The following VPS8 variants were observed in gnomAD, a reference collection of about 807,000 sequenced individuals.
VPS8 encodes the protein vacuolar protein sorting-associated protein 8 homolog.
In VPS8, 129 loss-of-function variants were observed where a neutral mutation model predicts 216.4. That is an observed-to-expected ratio of 0.60 (90% CI 0.52 to 0.69). The LOEUF (loss-of-function observed/expected upper bound fraction) is 0.69. VPS8 is among the 30% of genes least tolerant of loss of function. The pLI, the probability that VPS8 is intolerant of heterozygous loss-of-function variation, is 0.00. For synonymous variants in VPS8, 571 were observed against 565.4 expected (o/e 1.01, Z -0.14); for missense variants, 1,531 against 1,683.5 (o/e 0.91, Z 1.59).
At chr3:184,876,612 C>CT (rs900266725) in intron 21 of VPS8, among the ~76,000 whole-genome samples, 9 of 152,202 alleles carry the variant, frequency 5.9e-5, no homozygotes, top group African/African-American at 1.9e-4. Flanking sequence ...ACCTCAGACT[C>CT]TGTTTCCTCA....
chr3:185,006,916 A>G (rs1183307576), intron 45 of VPS8, among the ~76,000 whole-genome samples: 2 of 152,094 alleles, frequency 1.3e-5, no homozygotes, highest in East Asian at 1.9e-4. Context: ...TCTGGCTCCA[A>G]CTCTACAGGA....
intron 45 of VPS8, 61 bp from the exon 46 acceptor site, chr3:185,024,275 G>T: frequency 7.1e-7 from 1 of 1,414,760 alleles, no homozygotes; most frequent in South Asian, 1.3e-5. Context: ...TTTTGAATGT[G>T]GGTCAGACAA....
At chr3:184,962,300 T>C (rs1288773190) in intron 37 of VPS8, among the ~76,000 whole-genome samples, 2 of 152,242 alleles carry the variant, frequency 1.3e-5, no homozygotes, top group East Asian at 1.9e-4. Flanking sequence ...TGGAATTGTT[T>C]AGACAACCAA....
chr3:184,935,955 T>A, intron 34 of VPS8, among the ~76,000 whole-genome samples: 1 of 152,224 alleles, frequency 6.6e-6, no homozygotes, highest in Non-Finnish European at 1.5e-5. Context: ...CTCCTTCTGT[T>A]TCTCCTGCAG....
intron 45 of VPS8, among the ~76,000 whole-genome samples, chr3:185,023,762 T>C (rs770278856): frequency 6.6e-6 from 1 of 152,234 alleles, no homozygotes; most frequent in Non-Finnish European, 1.5e-5. Context: ...TAGATGGTGT[T>C]TCTTGTAGGC....
intron 21 of VPS8, among the ~76,000 whole-genome samples, chr3:184,871,587 T>C (rs956728307): frequency 6.6e-6 from 1 of 152,144 alleles, no homozygotes; most frequent in Admixed American, 6.6e-5. Context: ...TAAAGTCCAT[T>C]CTTAGCTGTG....
In VPS8 at chr3:184,826,235, A is replaced by C. The variant is rs1256888020; in HGVS notation, c.222+4A>C. 1 of 1,603,726 alleles carries C rather than the reference A, an allele frequency of 6.2e-7. No individual in the cohort carries two copies. Among genetic ancestry groups the C allele is most frequent in the Non-Finnish European group, 8.5e-7 (1 of 1,173,384 alleles). ...ACTGGAAAGCATACTAAATGAGGTA[A>C]GTGAATATTAATGATTACTGTCATT... On this transcript the variant is annotated splice_donor_region_variant and intron_variant, in intron 3 of 47. Transcript: ENST00000625842.
At position 184,957,434 on chromosome 3, in the gene VPS8, C is replaced by T; in HGVS notation, c.3096C>T (p.Phe1032=). The T allele has an allele frequency of 6.2e-7, 1 of 1,612,508 alleles. No homozygotes were observed. Residue 1032 remains phenylalanine, a synonymous_variant, in exon 37 of 48, where the codon TTC becomes TTT. Transcript: ENST00000625842. ...TATCTCCTTGTATCACAGAGCAGTT[C>T]ATTGAGCTGTTGTGTCAGTTCAACC... The part of the protein sequence containing the change: ...LQISPCITEQ[F]IELLCQFNPT...
chr3:184,951,625 A>T (rs1248987577), intron 36 of VPS8, among the ~76,000 whole-genome samples: 1 of 152,198 alleles, frequency 6.6e-6, no homozygotes. Flanking sequence ...CTCCAACCTG[A>T]ATTCTGTAGT....
intron 22 of VPS8, among the ~76,000 whole-genome samples, chr3:184,888,688 A>G (rs924790340): frequency 1.3e-5 from 2 of 152,190 alleles, no homozygotes; most frequent in African/African-American, 2.4e-5. Flanking sequence ...TCTAGTACTA[A>G]TAAGTACTGG....
chr3:185,013,067 T>C (rs1316378608), intron 45 of VPS8, among the ~76,000 whole-genome samples: 1 of 152,250 alleles, frequency 6.6e-6, no homozygotes, highest in African/African-American at 2.4e-5. Context: ...AACATGTCCT[T>C]AAGACACAGA....
At chr3:184,914,875 A>T in intron 26 of VPS8, 106 bp from the exon 27 acceptor site, 1 of 1,110,280 alleles carries the variant, frequency 9.0e-7, no homozygotes, top group South Asian at 1.3e-5. Flanking sequence ...AGCTGAGCCT[A>T]CTTACAAATT....
At chr3:185,040,688 T>C (rs955721918) in intron 46 of VPS8, among the ~76,000 whole-genome samples, 2 of 152,188 alleles carry the variant, frequency 1.3e-5, no homozygotes, top group African/African-American at 4.8e-5. Context: ...CATAAACTTT[T>C]TTAGCAGCCA....
In VPS8 at chr3:184,868,960, C is replaced by A; in HGVS notation, c.1521C>A (p.Leu507=). The change falls in exon 19 of 48, where the codon CTC becomes CTA. Residue 507 remains leucine, a synonymous_variant. Transcript: ENST00000625842. The stretch of plus-strand genomic sequence containing the variant: ...TTCCGTTTTAGAGAGTGGATCATCT[C>A]CTGAAACAAGATTGTCTTACAGAAG... ...LRSWRERVDH[L]LKQDCLTEAL... 1 of 1,608,982 alleles carries A rather than the reference C, an allele frequency of 6.2e-7. No individual in the cohort carries two copies. The highest frequency in any genetic ancestry group is 8.5e-7 in the Non-Finnish European group (1 of 1,177,822).
At chr3:185,031,793 C>T (rs1441440270) in intron 46 of VPS8, among the ~76,000 whole-genome samples, 2 of 152,158 alleles carry the variant, frequency 1.3e-5, no homozygotes, top group African/African-American at 4.8e-5. Flanking sequence ...CAAACTCCTG[C>T]CTTTGGTCAG....
chr3:185,018,131 C>A (rs893224056), intron 45 of VPS8, among the ~76,000 whole-genome samples: 3 of 152,168 alleles, frequency 2.0e-5, no homozygotes, highest in Non-Finnish European at 4.4e-5. Context: ...CCTCCAATAC[C>A]GTCACAGGCC....
intron 40 of VPS8, among the ~76,000 whole-genome samples, chr3:184,974,380 CT>C (rs1748923713): frequency 1.3e-5 from 2 of 152,022 alleles, no homozygotes; most frequent in Admixed American, 1.3e-4. Context: ...TATTCATATG[CT>C]TTGCCCACTT....
chr3:184,960,948 G>A (rs1272019289), intron 37 of VPS8, among the ~76,000 whole-genome samples: 2 of 152,160 alleles, frequency 1.3e-5, no homozygotes, highest in African/African-American at 2.4e-5. Flanking sequence ...TAATTGCTGG[G>A]ATAAACTGCC....
At chr3:184,820,384 C>G (rs1334846210) in intron 1 of VPS8, among the ~76,000 whole-genome samples, 1 of 152,224 alleles carries the variant, frequency 6.6e-6, no homozygotes, top group African/African-American at 2.4e-5. Context: ...CTGGCGTTCT[C>G]TTCTGCCTCT....
Sources: allele counts gnomAD v4.1 joint callset (sites outside exome capture counted in the v4.1 genomes callset), GRCh38; gene constraint gnomAD v4.1.1; transcripts MANE v1.5; gene names NCBI Gene and HGNC (gene_info 2026-07-23, HGNC 2026-07-21).